SS18L1: variants seen among roughly 807,000 people sequenced by gnomAD.
The protein encoded by SS18L1 is SS18L1 subunit of BAF chromatin remodeling complex.
A neutral mutation model predicts 70.3 loss-of-function variants in SS18L1; 32 were observed. The ratio of observed to expected loss-of-function variants is 0.46; its 90% CI spans 0.34 to 0.61. The LOEUF (loss-of-function observed/expected upper bound fraction) is 0.61, where lower values mean the gene tolerates loss of function less well. Ranked by LOEUF, SS18L1 falls within the 20% of genes least tolerant of loss-of-function variation. The pLI, the probability that SS18L1 is intolerant of heterozygous loss-of-function variation, is 0.01. For missense variants in SS18L1, 430 were observed against 542.1 expected, an observed-to-expected ratio of 0.79 and a Z score of 2.05; for synonymous variants, 237 against 229.7, an observed-to-expected ratio of 1.03 and a Z score of -0.29.
chr20:62,174,677 T>C lies in SS18L1; in HGVS notation c.1164+33T>C, dbSNP rs1601057337. 1 of 1,613,112 alleles carries C rather than the reference T, an allele frequency of 6.2e-7. No homozygotes were observed. The highest frequency in any genetic ancestry group is 2.2e-5 in the East Asian group (1 of 44,854). ...TTCTGGATGTTTCCAGATGTGCCCA[T>C]CCGCCGCGCCTGTCGAGACATAATG... is the stretch of plus-strand genomic sequence containing the variant. On this transcript the variant is annotated intron_variant, in intron 10 of 10. Transcript: ENST00000331758. The surrounding 1 kb of genome is among the most constrained non-coding windows in gnomAD (Gnocchi z 4.1).
At chr20:62,160,613 A>G (rs2057311923) in intron 3 of SS18L1, among the ~76,000 whole-genome samples, 1 of 152,166 alleles carries the variant, frequency 6.6e-6, no homozygotes, top group South Asian at 2.1e-4. Context: ...TGTCACAGTG[A>G]AGACGAGGTC....
Position 62,174,150 on chromosome 20 carries a change from C to G in SS18L1, c.1037-367C>G, listed in dbSNP as rs977583387. ...CCCGTGGTAGTTCAGTGACAAGTTA[C>G]AGCAGCCAGTGTGACTGGGGCCAGC... On this transcript the variant is annotated intron_variant, in intron 9 of 10. Transcript: ENST00000331758. The surrounding 1 kb of genome is among the most constrained non-coding windows in gnomAD (Gnocchi z 4.1). Among the ~76,000 whole-genome samples, 2 of 152,156 alleles carry G rather than the reference C, an allele frequency of 1.3e-5. No homozygotes were observed. The highest frequency in any genetic ancestry group is 2.9e-5 in the Non-Finnish European group (2 of 68,034).
chr20:62,169,615 C>G (rs2057494276), intron 8 of SS18L1, among the ~76,000 whole-genome samples: 1 of 152,044 alleles, frequency 6.6e-6, no homozygotes, highest in South Asian at 2.1e-4. Context: ...CCCATCTCGA[C>G]CAAAAATACA....
intron 9 of SS18L1, 78 bp downstream of exon 9, chr20:62,172,879 C>G: frequency 6.3e-7 from 1 of 1,577,664 alleles, no homozygotes; most frequent in Non-Finnish European, 8.6e-7. Flanking sequence ...TGCTCAGTAC[C>G]CCAGCCAGCA....
intron 1 of SS18L1, among the ~76,000 whole-genome samples, chr20:62,155,016 G>GGCATCATC (rs1405200070): frequency 6.6e-6 from 1 of 152,154 alleles, no homozygotes; most frequent in Admixed American, 6.5e-5. Context: ...GTTTCTAACT[G>GGCATCATC]GCATCATCTT....
intron 10 of SS18L1, among the ~76,000 whole-genome samples, chr20:62,178,944 G>T (rs894763740): frequency 1.3e-5 from 2 of 152,244 alleles, no homozygotes; most frequent in African/African-American, 4.8e-5. Context: ...CCTGGCACAG[G>T]CCCGGCCGCA....
Position 62,174,406 on chromosome 20 carries a change from C to T in SS18L1, c.1037-111C>T, listed in dbSNP as rs376865003. ...TTGACAAAAGGCTGATGCATTGAGA[C>T]GGGAATTTTTCAAGGAGAAGAGGAA... On this transcript the variant is annotated intron_variant, in intron 9 of 10. Transcript: ENST00000331758. This position sits in a 1 kb window ranked among gnomAD's most constrained non-coding sequence, Gnocchi z 4.1. The T allele has an allele frequency of 6.5e-5, 96 of 1,479,304 alleles. No homozygotes were observed. The highest frequency in any genetic ancestry group is 8.6e-5 in the African/African-American group (6 of 69,882). 91.6% of individuals were successfully genotyped at this position (1,479,304 alleles called of 1,614,324 possible). A position where few individuals can be genotyped will look rare whatever the true frequency, so the allele number is the denominator to read the frequency against.
At chr20:62,177,770 T>G (rs939023444) in intron 10 of SS18L1, among the ~76,000 whole-genome samples, 1 of 152,258 alleles carries the variant, frequency 6.6e-6, no homozygotes, top group East Asian at 1.9e-4. Flanking sequence ...TTGCCCAGGC[T>G]GGAGTGCAGT....
rs962186058 is a variant in SS18L1 at position 62,155,114 on chromosome 20, A to C, written c.70-3558A>C. Among the ~76,000 whole-genome samples, 4 of 152,174 alleles carry C rather than the reference A, an allele frequency of 2.6e-5. No individual in the cohort carries two copies. The East Asian group carries it at 7.7e-4, about 29-fold the overall frequency. ...TAGGTTTTGTTGGATTTTTTTAAAA[A>C]GTTTCAGGCCGGGTGCAATGGCTCA... is the stretch of plus-strand genomic sequence containing the variant. On this transcript the variant is annotated intron_variant, in intron 1 of 10. Transcript: ENST00000331758.
rs34708339 is a variant in SS18L1 at position 62,150,633 on chromosome 20, A to ATTTTTTTTTTTTT, written c.69+6769_69+6781dup. 4.7e-4 allele frequency among the ~76,000 whole-genome samples: 27 copies of ATTTTTTTTTTTTT among 58,054 alleles called. 6 individuals carry two copies. Among genetic ancestry groups the ATTTTTTTTTTTTT allele is most frequent in the Admixed American group, 1.1e-3 (5 of 4,458 alleles). 38.1% of individuals were successfully genotyped at this position (58,054 alleles called of 152,430 possible). ...CGGAGCATAAGAAACATTGAGGTGG[A>ATTTTTTTTTTTTT]TTTTTTTTTTTTTTTTTTTTTTTTT... On this transcript the variant is annotated intron_variant, in intron 1 of 10. Coordinates refer to ENST00000331758, the MANE Select transcript of SS18L1 (RefSeq NM_198935.3).
chr20:62,181,687 A>T lies in SS18L1; in HGVS notation c.*2479A>T. ...AATATATTTAATGATTAATAACAGA[A>T]TGTTTATTTAATGTGCTGTCCATTT... is the stretch of plus-strand genomic sequence containing the variant. On this transcript the variant is annotated 3_prime_UTR_variant, in exon 11 of 11. Transcript: ENST00000331758. The T allele has an allele frequency of 4.6e-6, 1 of 219,550 alleles. No homozygotes were observed. Among genetic ancestry groups the T allele is most frequent in the Non-Finnish European group, 9.2e-6 (1 of 109,204 alleles). 13.6% of individuals were successfully genotyped at this position (219,550 alleles called of 1,614,324 possible).
chr20:62,164,056 G>T (rs1329127901), intron 6 of SS18L1, 89 bp from the exon 7 acceptor site: 2 of 1,226,066 alleles, frequency 1.6e-6, no homozygotes, highest in Non-Finnish European at 2.3e-6. Context: ...AGGCCATTCA[G>T]CAAGGCCTTG....
chr20:62,153,203 A>G (rs1415258630), intron 1 of SS18L1, among the ~76,000 whole-genome samples: 1 of 152,228 alleles, frequency 6.6e-6, no homozygotes, highest in African/African-American at 2.4e-5. Context: ...CTCACTCACC[A>G]TCACAAGAAC....
intron 1 of SS18L1, among the ~76,000 whole-genome samples, chr20:62,155,177 G>T (rs1431191806): frequency 1.3e-5 from 2 of 152,174 alleles, no homozygotes; most frequent in Non-Finnish European, 2.9e-5. Context: ...GAGGCGGGCA[G>T]ATCAGTTGAA....
intron 8 of SS18L1, among the ~76,000 whole-genome samples, chr20:62,171,967 C>T (rs1324599383): frequency 6.6e-6 from 1 of 152,166 alleles, no homozygotes; most frequent in East Asian, 1.9e-4. Context: ...TCGAGACCAT[C>T]CTGGCTAACA....
intron 9 of SS18L1, 45 bp downstream of exon 9, chr20:62,172,846 T>C: frequency 6.3e-7 from 1 of 1,596,522 alleles, no homozygotes; most frequent in Non-Finnish European, 8.5e-7. Context: ...CGCCCACCCC[T>C]GCCCCTGCCA....
chr20:62,168,735 G>T (rs904115125), intron 8 of SS18L1, among the ~76,000 whole-genome samples: 1 of 152,174 alleles, frequency 6.6e-6, no homozygotes, highest in South Asian at 2.1e-4. Flanking sequence ...CATAGCTTGA[G>T]CCCGGGAGGT....
At chr20:62,170,219 A>G (rs1371372041) in intron 8 of SS18L1, among the ~76,000 whole-genome samples, 2 of 152,186 alleles carry the variant, frequency 1.3e-5, no homozygotes, top group African/African-American at 4.8e-5. Flanking sequence ...TTAGAGAAAG[A>G]AAAGAGCTGG....
At position 62,174,913 on chromosome 20, in the gene SS18L1, T is replaced by C. The variant is rs1371783340; in HGVS notation, c.1164+269T>C. On this transcript the variant is annotated intron_variant, in intron 10 of 10. Transcript: ENST00000331758. The surrounding 1 kb of genome is among the most constrained non-coding windows in gnomAD (Gnocchi z 4.1). ...TCACATTCATTCACTCTGCCAGTGT[T>C]TGTCACGTACTGGGTACGCGTCCGG... is the stretch of plus-strand genomic sequence containing the variant. 1.0e-6 allele frequency: 1 copy of C among 985,424 alleles called. No homozygotes were observed. The highest frequency in any genetic ancestry group is 1.2e-6 in the Non-Finnish European group (1 of 829,884). The allele number at this position is 985,424 out of a possible 1,614,324, so 61.0% of individuals were successfully genotyped here.
Sources: gnomAD v4.1 joint callset for allele counts (sites outside exome capture counted in the v4.1 genomes callset) on GRCh38, gnomAD v4.1.1 for gene constraint, Gnocchi (gnomAD v3.1) non-coding constraint, MANE v1.5 for transcripts, NCBI Gene and HGNC (gene_info 2026-07-23, HGNC 2026-07-21) for gene names.